The following CSMD2 variants were observed in gnomAD, a reference collection of about 807,000 sequenced individuals.
CSMD2 encodes the protein CUB and Sushi multiple domains 2.
Under a neutral mutation model 398.5 loss-of-function variants are expected in CSMD2, and 130 were observed. The ratio of observed to expected loss-of-function variants is 0.33; its 90% CI spans 0.28 to 0.38. The LOEUF (loss-of-function observed/expected upper bound fraction) is 0.38, where lower values mean the gene tolerates loss of function less well. Ranked by LOEUF, CSMD2 falls within the 10% of genes least tolerant of loss-of-function variation. The pLI is 1.00. For synonymous variants in CSMD2, 1,828 were observed against 1,908.5 expected, an observed-to-expected ratio of 0.96 and a Z score of 1.10; for missense variants, 3,829 against 4,764.9, an observed-to-expected ratio of 0.80 and a Z score of 5.78.
At chr1:33,879,928 T>C (rs1641120278) in intron 5 of CSMD2, among the ~76,000 whole-genome samples, 1 of 152,186 alleles carries the variant, frequency 6.6e-6, no homozygotes, top group South Asian at 2.1e-4. Context: ...CATTGAGAGT[T>C]TATAATATGT....
At chr1:33,681,478 T>C (rs1454308530) in intron 25 of CSMD2, among the ~76,000 whole-genome samples, 3 of 152,226 alleles carry the variant, frequency 2.0e-5, no homozygotes, top group Admixed American at 1.3e-4. Flanking sequence ...CCTTTCCCTA[T>C]GCCCTCTCCC....
At chr1:33,611,966 A>C (rs1641036356) in intron 40 of CSMD2, among the ~76,000 whole-genome samples, 1 of 152,248 alleles carries the variant, frequency 6.6e-6, no homozygotes, top group Non-Finnish European at 1.5e-5. Context: ...AAAAGCCCAT[A>C]TTGCATTGAT....
In CSMD2 at chr1:34,124,245, G is replaced by C. The variant is rs534461057; in HGVS notation, c.188-35052C>G. On this transcript the variant is annotated intron_variant, in intron 1 of 70. Coordinates refer to ENST00000373381, the MANE Select transcript of CSMD2 (RefSeq NM_001281956.2). The stretch of plus-strand genomic sequence containing the variant: ...ACACATATATTGATGCTTCCTGCCA[G>C]TGAGGCTTGTTCTGTGAGCTGAGGA... Among the ~76,000 whole-genome samples, 14 of 152,326 alleles carry C rather than the reference G, an allele frequency of 9.2e-5. No individual in the cohort carries two copies. In the South Asian group the frequency reaches 2.3e-3, roughly 25 times the overall value.
chr1:33,735,128 G>A (rs2149233465), intron 15 of CSMD2, among the ~76,000 whole-genome samples: 1 of 152,314 alleles, frequency 6.6e-6, no homozygotes, highest in South Asian at 2.1e-4. Flanking sequence ...TCATAGAGGT[G>A]TTGGAAACTA....
At position 33,518,895 on chromosome 1, in the gene CSMD2, G is replaced by A. The variant is rs542488372; in HGVS notation, c.*53+570C>T. ...CGGAGATGCGTATCTATATATAGAT[G>A]GATAGGTATGGATATATCTTGATAT... is the stretch of plus-strand genomic sequence containing the variant. On this transcript the variant is annotated intron_variant, in intron 70 of 70. Coordinates refer to ENST00000373381, the MANE Select transcript of CSMD2 (RefSeq NM_001281956.2). The surrounding 1 kb of genome is among the most constrained non-coding windows in gnomAD (Gnocchi z 4.3). Among the ~76,000 whole-genome samples the A allele has an allele frequency of 4.9e-4, 74 of 152,162 alleles. No homozygotes were observed. Among genetic ancestry groups the A allele is most frequent in the African/African-American group, 1.7e-3 (70 of 41,512 alleles).
chr1:33,829,319 C>A (rs774912454), intron 6 of CSMD2, among the ~76,000 whole-genome samples: 2 of 152,168 alleles, frequency 1.3e-5, no homozygotes, highest in Non-Finnish European at 2.9e-5. Flanking sequence ...TAGGCAAGAT[C>A]CACATCACCA....
intron 1 of CSMD2, among the ~76,000 whole-genome samples, chr1:34,138,751 C>A (rs545623619): frequency 6.6e-6 from 1 of 152,130 alleles, no homozygotes; most frequent in South Asian, 2.1e-4. Context: ...CAATTTACAC[C>A]CCTACAGGCA....
intron 1 of CSMD2, among the ~76,000 whole-genome samples, chr1:34,105,596 G>A (rs1373652225): frequency 3.9e-5 from 6 of 152,210 alleles, no homozygotes; most frequent in African/African-American, 9.6e-5. Flanking sequence ...TTGGAGCCTC[G>A]TGACACCACC....
chr1:33,592,670 C>T (rs1639544661), intron 44 of CSMD2, among the ~76,000 whole-genome samples: 1 of 152,172 alleles, frequency 6.6e-6, no homozygotes, highest in Non-Finnish European at 1.5e-5. Flanking sequence ...ATCATGACGG[C>T]CGGGCGCGGT....
chr1:33,665,460 C>CTTTTTTT (rs745495781), intron 25 of CSMD2, among the ~76,000 whole-genome samples: 4 of 73,914 alleles, frequency 5.4e-5, no homozygotes, highest in African/African-American at 1.1e-4. Context: ...TTTCTTCTCT[C>CTTTTTTT]TTTTTTTTTT....
intron 13 of CSMD2, among the ~76,000 whole-genome samples, chr1:33,763,112 T>C (rs1330996094): frequency 2.0e-5 from 3 of 152,128 alleles, no homozygotes; most frequent in Admixed American, 6.5e-5. Flanking sequence ...CACAACCCCA[T>C]GTATCTTGGC....
At chr1:33,562,211 T>C (rs1170123515) in intron 53 of CSMD2, among the ~76,000 whole-genome samples, 2 of 118,896 alleles carry the variant, frequency 1.7e-5, no homozygotes, top group Non-Finnish European at 3.7e-5. Context: ...AAGTGTCCCC[T>C]GCCTGGTTCA....
At chr1:34,145,971 G>T (rs1281531252) in intron 1 of CSMD2, among the ~76,000 whole-genome samples, 1 of 152,186 alleles carries the variant, frequency 6.6e-6, no homozygotes, top group Admixed American at 6.5e-5. Context: ...TCAAGATTTA[G>T]ATTCATGGTG....
At chr1:33,965,198 G>A (rs991242119) in intron 3 of CSMD2, among the ~76,000 whole-genome samples, 23 of 152,170 alleles carry the variant, frequency 1.5e-4, no homozygotes, top group African/African-American at 4.1e-4. Context: ...CCCCTCGACC[G>A]TGGAGTGAAG....
intron 56 of CSMD2, among the ~76,000 whole-genome samples, chr1:33,547,568 A>T (rs1657031989): frequency 6.6e-6 from 1 of 152,306 alleles, no homozygotes; most frequent in South Asian, 2.1e-4. Context: ...CAACCTTGGG[A>T]TTATTCCCTT....
chr1:33,796,307 T>G (rs1216393159), intron 10 of CSMD2, among the ~76,000 whole-genome samples: 1 of 152,228 alleles, frequency 6.6e-6, no homozygotes, highest in Non-Finnish European at 1.5e-5. Context: ...TTGTGGGAAG[T>G]CAGGGACACT....
At chr1:33,780,253 T>G (rs1244286693) in intron 12 of CSMD2, among the ~76,000 whole-genome samples, 1 of 152,170 alleles carries the variant, frequency 6.6e-6, no homozygotes, top group Non-Finnish European at 1.5e-5. Flanking sequence ...CCAGGACATC[T>G]TCGGTGCATT....
At chr1:33,883,455 C>A (rs1411975369) in intron 5 of CSMD2, among the ~76,000 whole-genome samples, 2 of 152,010 alleles carry the variant, frequency 1.3e-5, no homozygotes, top group Non-Finnish European at 2.9e-5. Context: ...GATGTTAGGT[C>A]CCCTCACAGT....
In CSMD2 at chr1:33,635,716, G is replaced by A. The variant is rs938512022; in HGVS notation, c.4970-386C>T. 6.6e-6 allele frequency among the ~76,000 whole-genome samples: 1 copy of A among 152,186 alleles called. No homozygotes were observed. Among genetic ancestry groups the A allele is most frequent in the African/African-American group, 2.4e-5 (1 of 41,446 alleles). On this transcript the variant is annotated intron_variant, in intron 30 of 70. Transcript: ENST00000373381. This position sits in a 1 kb window ranked among gnomAD's most constrained non-coding sequence, Gnocchi z 5.0. Reference sequence around the variant, plus strand: ...CATCTAACCTGGACAGTGAGTGTCAGTGTGAATAGGGAGCTGAAGCTTCCC... The same window carrying A: ...CATCTAACCTGGACAGTGAGTGTCAATGTGAATAGGGAGCTGAAGCTTCCC...
Sources: allele counts gnomAD v4.1 joint callset (sites outside exome capture counted in the v4.1 genomes callset), GRCh38; gene constraint gnomAD v4.1.1; non-coding constraint Gnocchi (gnomAD v3.1); transcripts MANE v1.5; gene names NCBI Gene and HGNC (gene_info 2026-07-23, HGNC 2026-07-21).